Variants in FAIM observed in about 807,000 individuals in gnomAD.
FAIM encodes fas apoptotic inhibitory molecule 1.
FAIM carries 14 observed loss-of-function variants against 21.2 expected under a neutral mutation model. The observed-to-expected ratio is 0.66, with a 90% CI of 0.44 to 1.03. FAIM has a LOEUF of 1.03. Among genes scored for constraint, FAIM ranks in the 50% least tolerant of loss-of-function variants. The probability of loss-of-function intolerance (pLI) is 0.00; values close to 1 mark genes in which losing one functional copy is unlikely to be tolerated. For synonymous variants in FAIM, 86 were observed against 80.4 expected (o/e 1.07, Z -0.37); for missense variants, 222 against 247.1 (o/e 0.90, Z 0.68).
chr3:138,615,436 A>G (rs1350231545), intron 1 of FAIM, among the ~76,000 whole-genome samples: 1 of 152,228 alleles, frequency 6.6e-6, no homozygotes, highest in African/African-American at 2.4e-5. Flanking sequence ...GAGAATCACC[A>G]GTTACGAAGA....
chr3:138,629,849 T>C (rs1221875889), intron 5 of FAIM: 1 of 152,166 alleles, frequency 6.6e-6, no homozygotes, highest in Non-Finnish European at 1.5e-5. Flanking sequence ...CCCATCTAGA[T>C]AGACTCCAGT....
At position 138,633,080 on chromosome 3, in the gene FAIM, T is replaced by A; in HGVS notation, c.*1T>A. ...AGAAATCCCAGAGATTGCAAGTTAA[T>A]GAATTTTCATCTTAAGAAGTAAAGA... On this transcript the variant is annotated 3_prime_UTR_variant, in exon 6 of 6. Transcript: ENST00000360570. The A allele has an allele frequency of 6.2e-7, 1 of 1,612,248 alleles. No homozygotes were observed. The highest frequency in any genetic ancestry group is 8.5e-7 in the Non-Finnish European group (1 of 1,179,210).
intron 5 of FAIM, among the ~76,000 whole-genome samples, chr3:138,631,363 TAC>T (rs372853204): frequency 1.6e-3 from 250 of 152,256 alleles, no homozygotes; most frequent in African/African-American, 5.6e-3. Context: ...TGCAATGAAC[TAC>T]AGTTGTACCC....
chr3:138,627,980 C>T (rs1443012167), intron 4 of FAIM, among the ~76,000 whole-genome samples: 7 of 152,162 alleles, frequency 4.6e-5, no homozygotes. Flanking sequence ...TCCTTCTCTT[C>T]TTCACTGTAA....
chr3:138,628,765 G>C (rs779240786), intron 4 of FAIM, among the ~76,000 whole-genome samples: 8 of 152,154 alleles, frequency 5.3e-5, no homozygotes, highest in Non-Finnish European at 8.8e-5. Flanking sequence ...TTACAGGCGT[G>C]AGCCACCGCG....
At chr3:138,625,018 T>C (rs1377019813) in intron 4 of FAIM, among the ~76,000 whole-genome samples, 4 of 151,866 alleles carry the variant, frequency 2.6e-5, no homozygotes, top group African/African-American at 2.4e-5. Context: ...ATTTAAAAAT[T>C]AGCTAAGTGT....
intron 5 of FAIM, among the ~76,000 whole-genome samples, chr3:138,632,317 C>G (rs894217048): frequency 4.6e-5 from 7 of 151,626 alleles, no homozygotes; most frequent in African/African-American, 1.7e-4. Context: ...TTGTTTCATA[C>G]TAGGTCTTCT....
At chr3:138,619,625 C>T (rs778529285) in intron 1 of FAIM, 86 bp from the exon 2 acceptor site, 32 of 1,199,076 alleles carry the variant, frequency 2.7e-5, no homozygotes, top group Non-Finnish European at 3.3e-5. Context: ...TTAGAAAAAC[C>T]CTTTGTAGAT....
chr3:138,619,754 T>C lies in FAIM; in HGVS notation c.28T>C (p.Phe10Leu). MASGDDSPI[F>L]EDDESPPYSL... Reference sequence around the variant, plus strand: ...GGCATCTGGAGATGACAGTCCTATCTTTGAAGATGATGAAAGGTAAATGTC... The same window carrying C: ...GGCATCTGGAGATGACAGTCCTATCCTTGAAGATGATGAAAGGTAAATGTC... Residue 10 changes from phenylalanine to leucine, a missense_variant, in exon 2 of 6, where the codon TTT (phenylalanine) becomes CTT (leucine). Phe to Leu is a conservative substitution (Grantham distance 22, BLOSUM62 0). Coordinates refer to ENST00000360570, the MANE Select transcript of FAIM (RefSeq NM_001033031.2). 6.2e-7 allele frequency: 1 copy of C among 1,613,742 alleles called. No individual in the cohort carries two copies. Among genetic ancestry groups the C allele is most frequent in the South Asian group, 1.1e-5 (1 of 90,950 alleles).
intron 4 of FAIM, among the ~76,000 whole-genome samples, chr3:138,624,020 C>A (rs942916322): frequency 6.6e-6 from 1 of 152,086 alleles, no homozygotes; most frequent in Non-Finnish European, 1.5e-5. Context: ...AGTTTTGTGC[C>A]AATCTGAATC....
intron 1 of FAIM, among the ~76,000 whole-genome samples, chr3:138,617,801 A>G (rs906840512): frequency 1.4e-5 from 2 of 145,340 alleles, no homozygotes; most frequent in African/African-American, 5.0e-5. Context: ...ATATATTATT[A>G]TTTTGGACAT....
At chr3:138,631,679 T>C (rs1204904072) in intron 5 of FAIM, among the ~76,000 whole-genome samples, 2 of 152,192 alleles carry the variant, frequency 1.3e-5, no homozygotes, top group East Asian at 3.8e-4. Flanking sequence ...TTCTCCTTTT[T>C]ATCTCAAAGC....
At chr3:138,614,938 C>G (rs988703911) in intron 1 of FAIM, among the ~76,000 whole-genome samples, 1 of 152,116 alleles carries the variant, frequency 6.6e-6, no homozygotes, top group Non-Finnish European at 1.5e-5. Flanking sequence ...AAGACCCTGT[C>G]TCAAAACAAA....
chr3:138,619,852 C>T (rs921414653), intron 2 of FAIM, 82 bp downstream of exon 2: 6 of 1,318,228 alleles, frequency 4.6e-6, no homozygotes, highest in African/African-American at 1.5e-5. Flanking sequence ...ATCCAAGATA[C>T]TCTGTTAAGA....
At chr3:138,620,429 T>C (rs1246296860) in intron 2 of FAIM, among the ~76,000 whole-genome samples, 1 of 152,208 alleles carries the variant, frequency 6.6e-6, no homozygotes, top group Non-Finnish European at 1.5e-5. Flanking sequence ...GTCATTCACA[T>C]AGGATATATT....
At chr3:138,623,337 T>C (rs910837956) in intron 4 of FAIM, among the ~76,000 whole-genome samples, 1 of 152,154 alleles carries the variant, frequency 6.6e-6, no homozygotes, top group Non-Finnish European at 1.5e-5. Flanking sequence ...GTTTTACTCG[T>C]GTTCTCTATT....
Position 138,622,417 on chromosome 3 carries a change from G to A in FAIM, c.406+1G>A, listed in dbSNP as rs2108347837. The stretch of plus-strand genomic sequence containing the variant: ...GGTGAGAACTTTAGAATTGTTTTGG[G>A]TAAGTTAGTGCTGTTTCCGCAGAAC... On this transcript the variant is annotated splice_donor_variant, in intron 4 of 5. Coordinates refer to ENST00000360570, the MANE Select transcript of FAIM (RefSeq NM_001033031.2). LOFTEE classifies it high-confidence loss of function. 1 of 1,576,792 alleles carries A rather than the reference G, an allele frequency of 6.3e-7. No individual in the cohort carries two copies. The highest frequency in any genetic ancestry group is 2.3e-5 in the East Asian group (1 of 44,400).
At chr3:138,609,613 GA>G (rs2042745072) in intron 1 of FAIM, among the ~76,000 whole-genome samples, 1 of 14,310 alleles carries the variant, frequency 7.0e-5, no homozygotes, top group African/African-American at 3.9e-4. Flanking sequence ...TCTCTCTCTC[GA>G]CTCTCTCTCT....
rs187456521 is a variant in FAIM, at chr3:138,615,332, G to A, written c.-16-4379G>A. On this transcript the variant is annotated intron_variant, in intron 1 of 5. Coordinates refer to ENST00000360570, the MANE Select transcript of FAIM (RefSeq NM_001033031.2). ...CGGGGACCATCTGTATTTGACTTTGGAGTGCTTTCAGAACATTTGGTGGGC... is the reference window on the plus strand; with the variant it reads ...CGGGGACCATCTGTATTTGACTTTGAAGTGCTTTCAGAACATTTGGTGGGC... Among the ~76,000 whole-genome samples the A allele has an allele frequency of 3.0e-4, 46 of 152,334 alleles. 1 individual carries two copies. Among genetic ancestry groups the A allele is most frequent in the Admixed American group, 2.6e-3 (40 of 15,300 alleles).
Sources: allele counts gnomAD v4.1 joint callset (sites outside exome capture counted in the v4.1 genomes callset), GRCh38; gene constraint gnomAD v4.1.1; transcripts MANE v1.5; gene names NCBI Gene and HGNC (gene_info 2026-07-23, HGNC 2026-07-21).